PKHD1L1: variants seen among roughly 807,000 people sequenced by gnomAD.
PKHD1L1 encodes PKHD1 like 1.
Under a neutral mutation model 462.9 loss-of-function variants are expected in PKHD1L1, and 434 were observed. The observed-to-expected ratio is 0.94, with a 90% confidence interval of 0.87 to 1.02. The LOEUF (loss-of-function observed/expected upper bound fraction) is 1.02. Among genes scored for constraint, PKHD1L1 ranks in the 50% least tolerant of loss-of-function variants. PKHD1L1 has a pLI of 0.00. For missense variants in PKHD1L1, 5,202 were observed against 5,096.1 expected (o/e 1.02, Z -0.63); for synonymous variants, 1,781 against 1,750.0 (o/e 1.02, Z -0.44).
At chr8:109,428,773 T>C (rs948336937) in intron 25 of PKHD1L1, among the ~76,000 whole-genome samples, 3 of 152,340 alleles carry the variant, frequency 2.0e-5, no homozygotes, top group Middle Eastern at 3.4e-3. Flanking sequence ...TGCTAGTCCC[T>C]GAATACATCA....
At chr8:109,520,534 T>A (rs1230400116) in intron 73 of PKHD1L1, among the ~76,000 whole-genome samples, 1 of 152,156 alleles carries the variant, frequency 6.6e-6, no homozygotes, top group Non-Finnish European at 1.5e-5. Flanking sequence ...ATGTAGAAGT[T>A]AGGGATGGTG....
At chr8:109,379,132 G>C (rs887714048) in intron 2 of PKHD1L1, among the ~76,000 whole-genome samples, 1 of 152,142 alleles carries the variant, frequency 6.6e-6, no homozygotes, top group Non-Finnish European at 1.5e-5. Context: ...GAACTGCCAA[G>C]AGCAGAGACC....
rs568521488 is a variant in PKHD1L1, at chr8:109,458,148, TG to T, written c.7005-1446del. Among the ~76,000 whole-genome samples, 387 of 152,292 alleles carry T rather than the reference TG, an allele frequency of 2.5e-3. 2 individuals are homozygous for T. Among genetic ancestry groups the T allele is most frequent in the Admixed American group, 4.9e-3 (75 of 15,268 alleles). ...CTTCTATTTTATCCTTACTATCCTT[TG>T]TTTTCTTTCTTTAAACACCTATAGT... On this transcript the variant is annotated intron_variant, in intron 46 of 77. Transcript: ENST00000378402.
Position 109,466,674 on chromosome 8 carries a change from T to C in PKHD1L1, c.8510T>C (p.Val2837Ala). The change falls in exon 50 of 78, where the codon GTC (valine) becomes GCC (alanine). Residue 2837 changes from valine (V) to alanine (A), a missense_variant. This residue lies in a region of PKHD1L1 where 4,497 missense variants were observed against 4,336.8 expected (regional missense o/e 1.04). Transcript: ENST00000378402. Reference sequence around the variant, plus strand: ...TGGAGCATTGGGTTCCCTGGATCAGTCTGTGATGCTTCAGTCAGCTTTCAC... The same window carrying C: ...TGGAGCATTGGGTTCCCTGGATCAGCCTGTGATGCTTCAGTCAGCTTTCAC... ...AEWSIGFPGS[V>A]CDASVSFHRL... 6.2e-7 allele frequency: 1 copy of C among 1,612,134 alleles called. No homozygotes were observed. Among genetic ancestry groups the C allele is most frequent in the Non-Finnish European group, 8.5e-7 (1 of 1,179,160 alleles).
At chr8:109,481,619 T>C in intron 56 of PKHD1L1, 57 bp downstream of exon 56, 2 of 1,423,234 alleles carry the variant, frequency 1.4e-6, no homozygotes, top group African/African-American at 1.5e-5. Context: ...TACTTTAAAA[T>C]ATATGGCACT....
intron 2 of PKHD1L1, among the ~76,000 whole-genome samples, chr8:109,367,272 A>T (rs1203491005): frequency 6.6e-6 from 1 of 152,228 alleles, no homozygotes; most frequent in Non-Finnish European, 1.5e-5. Context: ...TGTCTCTGAT[A>T]GATTCTCTGT....
At position 109,389,721 on chromosome 8, in the gene PKHD1L1, T is replaced by C. The variant is rs571768405; in HGVS notation, c.697+569T>C. Among the ~76,000 whole-genome samples, 267 of 151,962 alleles carry C rather than the reference T, an allele frequency of 1.8e-3. 2 individuals carry two copies. The highest frequency in any genetic ancestry group is 1.9e-3 in the Non-Finnish European group (128 of 67,948). ...TTTTGTATTTTTAGTAGAGATGGGG[T>C]TTTGCCATATTGGTCAGGCTGGTCT... On this transcript the variant is annotated intron_variant, in intron 8 of 77. Coordinates refer to ENST00000378402, the MANE Select transcript of PKHD1L1 (RefSeq NM_177531.6).
rs147062600 is a variant in PKHD1L1, at chr8:109,496,371, G to A, written c.10328-548G>A. ...AGGAAGTGACATTTGACTTGAAAAT[G>A]GGATGGCCAGAAGGACATAGCAATG... On this transcript the variant is annotated intron_variant, in intron 63 of 77. Coordinates refer to ENST00000378402, the MANE Select transcript of PKHD1L1 (RefSeq NM_177531.6). Among the ~76,000 whole-genome samples, 1,152 of 152,300 alleles carry A rather than the reference G, an allele frequency of 7.6e-3. 4 individuals carry two copies. The highest frequency in any genetic ancestry group is 0.014 in the Middle Eastern group (4 of 294).
chr8:109,504,738 A>T (rs1405675800), intron 68 of PKHD1L1, among the ~76,000 whole-genome samples: 1 of 152,192 alleles, frequency 6.6e-6, no homozygotes, highest in Non-Finnish European at 1.5e-5. Flanking sequence ...ATCATCAATA[A>T]CATCATCATT....
intron 19 of PKHD1L1, 104 bp downstream of exon 19, chr8:109,410,082 T>C: frequency 1.5e-6 from 1 of 649,992 alleles, no homozygotes; most frequent in Non-Finnish European, 2.4e-6. Context: ...AACTTTGTTA[T>C]TCACAGTCAA....
rs779531411 is a variant in PKHD1L1, at chr8:109,405,040, G to T, written c.1579G>T (p.Val527Phe). The T allele has an allele frequency of 1.3e-4, 205 of 1,535,306 alleles. No individual in the cohort carries two copies. The highest frequency in any genetic ancestry group is 2.8e-5 in the Non-Finnish European group (32 of 1,134,482). The change falls in exon 16 of 78, where the codon GTT becomes TTT. Residue 527 changes from valine to phenylalanine, a missense_variant. Val to Phe is a conservative substitution (Grantham distance 50). Transcript: ENST00000378402. ...GGAAACAACTAATGCAATTAATGAG[G>T]TTCAGAAGATCAAGGTAACCAGCCC... is the stretch of plus-strand genomic sequence containing the variant. The part of the protein sequence containing the change: ...NWETTNAINE[V>F]QKIKVTSPCV...
chr8:109,383,336 T>C (rs1812259362), intron 4 of PKHD1L1, among the ~76,000 whole-genome samples: 1 of 109,954 alleles, frequency 9.1e-6, no homozygotes, highest in Non-Finnish European at 1.7e-5. Flanking sequence ...ATATTATATA[T>C]AATATATATT....
chr8:109,370,787 C>T lies in PKHD1L1; in HGVS notation c.163+6151C>T, dbSNP rs140440512. 9.1e-3 allele frequency among the ~76,000 whole-genome samples: 1,378 copies of T among 152,258 alleles called. 13 individuals carry two copies. The highest frequency in any genetic ancestry group is 0.044 in the Middle Eastern group (13 of 294). On this transcript the variant is annotated intron_variant, in intron 2 of 77. Transcript: ENST00000378402. Reference sequence around the variant, plus strand: ...GGTTTTTTGTCCTCGCGATAGCTTGCTGAGAATGATGGTTTCCAGCTTCAT... The same window carrying T: ...GGTTTTTTGTCCTCGCGATAGCTTGTTGAGAATGATGGTTTCCAGCTTCAT...
At chr8:109,453,449 T>A (rs994378797) in intron 43 of PKHD1L1, among the ~76,000 whole-genome samples, 1 of 152,228 alleles carries the variant, frequency 6.6e-6, no homozygotes, top group Non-Finnish European at 1.5e-5. Flanking sequence ...ACAACTGTGA[T>A]AATTGCATGT....
intron 50 of PKHD1L1, among the ~76,000 whole-genome samples, chr8:109,472,115 G>A (rs1817752343): frequency 2.6e-5 from 4 of 151,904 alleles, no homozygotes; most frequent in Admixed American, 2.6e-4. Flanking sequence ...TTAGACTTGT[G>A]CGCATGGAAG....
At chr8:109,449,272 A>T (rs923972050) in intron 39 of PKHD1L1, 66 bp from the exon 40 acceptor site, 58 of 1,416,916 alleles carry the variant, frequency 4.1e-5, no homozygotes, top group Non-Finnish European at 5.1e-5. Flanking sequence ...AAAGGTAAAA[A>T]ATATGTACAC....
intron 74 of PKHD1L1, 133 bp from the exon 75 acceptor site, chr8:109,522,611 T>A: frequency 1.0e-6 from 1 of 1,002,828 alleles, no homozygotes; most frequent in African/African-American, 1.7e-5. Context: ...AATATTGTAA[T>A]TATATTAATT....
chr8:109,493,883 A>G, intron 63 of PKHD1L1, 132 bp downstream of exon 63: 1 of 533,872 alleles, frequency 1.9e-6, no homozygotes, highest in Non-Finnish European at 3.2e-6. Context: ...ACTCAACAAG[A>G]TAAATTATTT....
chr8:109,380,377 CTT>C (rs960527396), intron 2 of PKHD1L1, among the ~76,000 whole-genome samples: 2 of 152,134 alleles, frequency 1.3e-5, no homozygotes, highest in African/African-American at 4.8e-5. Flanking sequence ...TACATCCTCT[CTT>C]TCTTACCTCT....
Sources: allele counts gnomAD v4.1 joint callset (sites outside exome capture counted in the v4.1 genomes callset), GRCh38; gene constraint gnomAD v4.1.1; regional missense constraint gnomAD v4.1.1; transcripts MANE v1.5; gene names NCBI Gene and HGNC (gene_info 2026-07-23, HGNC 2026-07-21).